ADGRL3: variants seen among roughly 807,000 people sequenced by gnomAD.
The protein encoded by ADGRL3 is adhesion G protein-coupled receptor L3.
Under a neutral mutation model 153.5 loss-of-function variants are expected in ADGRL3, and 62 were observed. The observed-to-expected ratio is 0.40, with a 90% CI of 0.33 to 0.50. The LOEUF is 0.50. ADGRL3 is among the 20% of genes least tolerant of loss of function. ADGRL3 has a pLI of 0.47. For synonymous variants in ADGRL3, 710 were observed against 672.5 expected (o/e 1.06, Z -0.86); for missense variants, 1,641 against 1,859.4 (o/e 0.88, Z 2.16).
At chr4:61,643,910 A>T (rs1371594230) in intron 5 of ADGRL3, among the ~76,000 whole-genome samples, 2 of 144,380 alleles carry the variant, frequency 1.4e-5, no homozygotes. Context: ...CTGTGAATCC[A>T]TCTGGTCCTG....
At position 61,565,234 on chromosome 4, in the gene ADGRL3, A is replaced by G. The variant is rs534494866; in HGVS notation, c.260-21993A>G. ...TGCCAGTGTATGTATATACACACAC[A>G]TACACTGACATAATGTTTGTTCTTT... On this transcript the variant is annotated intron_variant, in intron 4 of 26. Transcript: ENST00000683033. Among the ~76,000 whole-genome samples the G allele has an allele frequency of 1.1e-4, 16 of 152,302 alleles. 1 individual carries two copies. Among genetic ancestry groups the G allele is most frequent in the African/African-American group, 3.6e-4 (15 of 41,552 alleles).
chr4:62,063,883 T>C (rs1741540321), intron 25 of ADGRL3, among the ~76,000 whole-genome samples: 1 of 152,078 alleles, frequency 6.6e-6, no homozygotes, highest in East Asian at 1.9e-4. Context: ...CATAACGTTA[T>C]AAAATGTATT....
chr4:61,586,728 C>CTACA (rs1224342301), intron 4 of ADGRL3, among the ~76,000 whole-genome samples: 2 of 151,976 alleles, frequency 1.3e-5, no homozygotes, highest in African/African-American at 4.8e-5. Flanking sequence ...AGCATTAGTT[C>CTACA]TACAGTGAAC....
intron 5 of ADGRL3, among the ~76,000 whole-genome samples, chr4:61,659,342 C>T (rs991017013): frequency 1.2e-4 from 19 of 152,122 alleles, no homozygotes; most frequent in Admixed American, 9.2e-4. Flanking sequence ...TCGTATCATC[C>T]GTGCATAGAT....
chr4:61,276,296 G>A (rs1440009854), intron 1 of ADGRL3, among the ~76,000 whole-genome samples: 1 of 152,084 alleles, frequency 6.6e-6, no homozygotes, highest in African/African-American at 2.4e-5. Context: ...AAGTCTAGAT[G>A]CTTTTAAACC....
intron 25 of ADGRL3, among the ~76,000 whole-genome samples, chr4:62,062,847 G>A (rs984198231): frequency 6.6e-6 from 1 of 151,996 alleles, no homozygotes; most frequent in African/African-American, 2.4e-5. Flanking sequence ...TTTAAAAATA[G>A]CATCTATATG....
At chr4:62,003,385 A>G (rs1199989993) in intron 21 of ADGRL3, among the ~76,000 whole-genome samples, 1 of 152,090 alleles carries the variant, frequency 6.6e-6, no homozygotes, top group Non-Finnish European at 1.5e-5. Context: ...ATTGTCAAGG[A>G]AGAAATAATG....
intron 1 of ADGRL3, among the ~76,000 whole-genome samples, chr4:61,243,568 A>G (rs538526638): frequency 5.3e-5 from 8 of 152,090 alleles, no homozygotes; most frequent in Non-Finnish European, 1.0e-4. Context: ...GTATTTTTCT[A>G]AAGAGAAACT....
intron 9 of ADGRL3, among the ~76,000 whole-genome samples, chr4:61,877,956 A>T (rs1164909935): frequency 4.0e-5 from 6 of 150,214 alleles, no homozygotes; most frequent in African/African-American, 1.2e-4. Flanking sequence ...TTACCCCTTC[A>T]CTCTCTCTCT....
intron 6 of ADGRL3, among the ~76,000 whole-genome samples, chr4:61,685,734 G>A (rs1257782242): frequency 6.6e-6 from 1 of 152,158 alleles, no homozygotes; most frequent in Non-Finnish European, 1.5e-5. Flanking sequence ...TACTGATAAT[G>A]AAAATCAGTT....
intron 5 of ADGRL3, among the ~76,000 whole-genome samples, chr4:61,648,807 C>G (rs1028439397): frequency 6.6e-6 from 1 of 151,998 alleles, no homozygotes; most frequent in African/African-American, 2.4e-5. Flanking sequence ...CTAAACTACT[C>G]ATCTGGATAT....
chr4:61,640,905 T>A (rs767070442), intron 5 of ADGRL3, among the ~76,000 whole-genome samples: 4 of 152,332 alleles, frequency 2.6e-5, no homozygotes, highest in Admixed American at 6.5e-5. Context: ...TGCTTAATAT[T>A]CTTCTAATAC....
intron 9 of ADGRL3, among the ~76,000 whole-genome samples, chr4:61,825,170 G>A (rs1164489230): frequency 1.3e-5 from 2 of 152,110 alleles, no homozygotes; most frequent in African/African-American, 4.8e-5. Flanking sequence ...AACATCCTAG[G>A]TGGAGTCAAA....
In ADGRL3 at chr4:61,481,120, G is replaced by T. The variant is rs150787794; in HGVS notation, c.-173-16001G>T. 4.2e-3 allele frequency among the ~76,000 whole-genome samples: 647 copies of T among 152,238 alleles called. 5 individuals carry two copies. The highest frequency in any genetic ancestry group is 0.015 in the African/African-American group (607 of 41,544). ...AGCCAGGGTTTCAAATTATATAATT[G>T]CAATGACCTAATTAATACAATGACC... is the stretch of plus-strand genomic sequence containing the variant. On this transcript the variant is annotated intron_variant, in intron 2 of 26. Transcript: ENST00000683033.
At chr4:61,258,403 C>G (rs1191657631) in intron 1 of ADGRL3, among the ~76,000 whole-genome samples, 1 of 152,126 alleles carries the variant, frequency 6.6e-6, no homozygotes, top group African/African-American at 2.4e-5. Context: ...GTTCATGAAG[C>G]CTTAGGGCCA....
intron 19 of ADGRL3, among the ~76,000 whole-genome samples, chr4:61,995,324 G>A (rs951824959): frequency 7.9e-5 from 12 of 151,666 alleles, no homozygotes; most frequent in Non-Finnish European, 1.5e-4. Context: ...TTTTTTGATA[G>A]GCATTTCTAA....
chr4:62,015,731 C>T (rs548885605), intron 21 of ADGRL3, among the ~76,000 whole-genome samples: 4 of 152,038 alleles, frequency 2.6e-5, no homozygotes, highest in African/African-American at 9.6e-5. Flanking sequence ...ACTAGATTTT[C>T]TCTCTCTCTT....
intron 2 of ADGRL3, among the ~76,000 whole-genome samples, chr4:61,456,358 TAG>T (rs1245033715): frequency 1.4e-5 from 2 of 142,234 alleles, no homozygotes; most frequent in Non-Finnish European, 3.0e-5. Flanking sequence ...GAGATATATA[TAG>T]AGATATAGAT....
chr4:61,226,709 G>C (rs1329612722), intron 1 of ADGRL3, among the ~76,000 whole-genome samples: 1 of 152,052 alleles, frequency 6.6e-6, no homozygotes, highest in Non-Finnish European at 1.5e-5. Flanking sequence ...AAAGTGCCTG[G>C]AAGAATACCT....
Sources: allele counts gnomAD v4.1 joint callset (sites outside exome capture counted in the v4.1 genomes callset), GRCh38; gene constraint gnomAD v4.1.1; transcripts MANE v1.5; gene names NCBI Gene and HGNC (gene_info 2026-07-23, HGNC 2026-07-21).